Variants in MAGI2 observed in about 807,000 individuals in gnomAD.
MAGI2 encodes the protein membrane-associated guanylate kinase, WW and PDZ domain-containing protein 2.
In MAGI2, 35 loss-of-function variants were observed where a neutral mutation model predicts 133.3. The observed-to-expected ratio is 0.26, with a 90% CI of 0.20 to 0.35. The LOEUF (loss-of-function observed/expected upper bound fraction) is 0.35, where lower values mean the gene tolerates loss of function less well. Ranked by LOEUF, MAGI2 falls within the 10% of genes least tolerant of loss-of-function variation. MAGI2 has a pLI of 1.00. For missense variants in MAGI2, 1,636 were observed against 1,863.4 expected, an observed-to-expected ratio of 0.88 and a Z score of 2.25; for synonymous variants, 729 against 710.6, an observed-to-expected ratio of 1.03 and a Z score of -0.41.
intron 12 of MAGI2, among the ~76,000 whole-genome samples, chr7:78,192,636 G>C (rs1411736216): frequency 6.6e-6 from 1 of 151,634 alleles, no homozygotes; most frequent in Non-Finnish European, 1.5e-5. Context: ...TTAATCTTCA[G>C]TGGTAGAGCT....
intron 7 of MAGI2, among the ~76,000 whole-genome samples, chr7:78,363,887 C>T (rs1285986079): frequency 6.6e-6 from 1 of 152,182 alleles, no homozygotes; most frequent in Non-Finnish European, 1.5e-5. Context: ...GATAATAAAA[C>T]AGACTTTCTA....
In MAGI2 at chr7:78,054,152, G is replaced by A. The variant is rs73134489; in HGVS notation, c.3706+24795C>T. Reference sequence around the variant, plus strand: ...TTTTATTTTATTTTTTTGAGATGTGGTCTCGATCTGTCGCCCAGGTTGGAG... The same window carrying A: ...TTTTATTTTATTTTTTTGAGATGTGATCTCGATCTGTCGCCCAGGTTGGAG... On this transcript the variant is annotated intron_variant, in intron 21 of 21. Transcript: ENST00000354212. Among the ~76,000 whole-genome samples the A allele has an allele frequency of 1.8e-3, 276 of 152,170 alleles. 1 individual carries two copies. The highest frequency in any genetic ancestry group is 2.2e-3 in the Non-Finnish European group (150 of 68,012).
intron 1 of MAGI2, among the ~76,000 whole-genome samples, chr7:79,329,735 A>G (rs1770652010): frequency 6.6e-6 from 1 of 152,208 alleles, no homozygotes; most frequent in South Asian, 2.1e-4. Context: ...ACAAAGCATT[A>G]TTTTTGCTCA....
chr7:79,031,897 T>A (rs985850277), intron 1 of MAGI2, among the ~76,000 whole-genome samples: 1 of 152,112 alleles, frequency 6.6e-6, no homozygotes, highest in East Asian at 1.9e-4. Flanking sequence ...AATCATCAAA[T>A]AGAAAATAAG....
intron 2 of MAGI2, among the ~76,000 whole-genome samples, chr7:78,995,231 G>A: frequency 6.6e-6 from 1 of 152,022 alleles, no homozygotes; most frequent in Non-Finnish European, 1.5e-5. Context: ...TTTGTGTTGG[G>A]CTGCATCAAA....
chr7:78,106,043 T>C (rs1583924726), intron 20 of MAGI2, among the ~76,000 whole-genome samples: 1 of 152,090 alleles, frequency 6.6e-6, no homozygotes, highest in South Asian at 2.1e-4. Flanking sequence ...GTAATTATCA[T>C]TCAAATCTCT....
At chr7:79,101,856 A>C (rs1388621608) in intron 1 of MAGI2, among the ~76,000 whole-genome samples, 1 of 151,898 alleles carries the variant, frequency 6.6e-6, no homozygotes, top group Non-Finnish European at 1.5e-5. Flanking sequence ...TTATTATCAA[A>C]ATTCTGTCTA....
At chr7:78,042,085 C>G (rs1448723368) in intron 21 of MAGI2, among the ~76,000 whole-genome samples, 7 of 152,176 alleles carry the variant, frequency 4.6e-5, no homozygotes, top group Admixed American at 4.6e-4. Context: ...AGACATGAGA[C>G]ATGGGCCTAA....
intron 2 of MAGI2, among the ~76,000 whole-genome samples, chr7:78,921,510 G>A (rs1039465830): frequency 6.6e-6 from 1 of 152,016 alleles, no homozygotes; most frequent in Non-Finnish European, 1.5e-5. Flanking sequence ...TTTCAGAAAC[G>A]CTGCCTTACA....
At chr7:79,318,911 C>G (rs1378443256) in intron 1 of MAGI2, among the ~76,000 whole-genome samples, 1 of 152,142 alleles carries the variant, frequency 6.6e-6, no homozygotes, top group Non-Finnish European at 1.5e-5. Flanking sequence ...GCTGGGTCAT[C>G]ATCATTTCCC....
At chr7:78,763,450 C>T (rs1252829529) in intron 2 of MAGI2, among the ~76,000 whole-genome samples, 5 of 152,026 alleles carry the variant, frequency 3.3e-5, no homozygotes, top group South Asian at 2.1e-4. Context: ...TTTTCTGAAG[C>T]GTTTCTTTAC....
intron 5 of MAGI2, among the ~76,000 whole-genome samples, chr7:78,490,709 C>T (rs1793522362): frequency 6.6e-6 from 1 of 152,094 alleles, no homozygotes; most frequent in Non-Finnish European, 1.5e-5. Flanking sequence ...CAAGCACTCC[C>T]AGTACTTCTT....
At chr7:79,337,629 C>T (rs889308030) in intron 1 of MAGI2, among the ~76,000 whole-genome samples, 10 of 152,004 alleles carry the variant, frequency 6.6e-5, no homozygotes, top group Admixed American at 1.3e-4. Flanking sequence ...CCTGACATTC[C>T]TTTATCTTAG....
At chr7:79,260,241 A>G (rs1028377933) in intron 1 of MAGI2, among the ~76,000 whole-genome samples, 1 of 152,118 alleles carries the variant, frequency 6.6e-6, no homozygotes. Context: ...CTGGGGTCCC[A>G]GCTACTTGGG....
rs761457707 is a variant in MAGI2, at chr7:78,634,917, A to T, written c.419-7678T>A. ...TTTTATTATCCAAATTATAATTTATATATTTTATTCTTATTATTTATTCCA... is the reference window on the plus strand; with the variant it reads ...TTTTATTATCCAAATTATAATTTATTTATTTTATTCTTATTATTTATTCCA... On this transcript the variant is annotated intron_variant, in intron 2 of 21. Transcript: ENST00000354212. 3.3e-5 allele frequency among the ~76,000 whole-genome samples: 5 copies of T among 152,254 alleles called. No individual in the cohort carries two copies. In the South Asian group the frequency reaches 1.0e-3, roughly 32 times the overall value.
chr7:78,627,501 A>C (rs1385122323), intron 2 of MAGI2, among the ~76,000 whole-genome samples: 1 of 152,170 alleles, frequency 6.6e-6, no homozygotes, highest in Non-Finnish European at 1.5e-5. Context: ...TTTTCAGTGA[A>C]AAATTCAGAA....
intron 1 of MAGI2, among the ~76,000 whole-genome samples, chr7:79,420,637 T>C (rs1264575284): frequency 6.6e-6 from 1 of 152,014 alleles, no homozygotes. Context: ...AAGCCACTGA[T>C]GAGTCAGGCT....
chr7:79,053,203 G>A (rs930185609), intron 1 of MAGI2, among the ~76,000 whole-genome samples: 2 of 152,028 alleles, frequency 1.3e-5, no homozygotes. Context: ...TCGATCTCCT[G>A]ACCTCGTGAT....
chr7:78,932,062 T>C (rs377643383), intron 2 of MAGI2, among the ~76,000 whole-genome samples: 18 of 145,522 alleles, frequency 1.2e-4, no homozygotes, highest in African/African-American at 4.3e-4. Context: ...GACCCTCCCC[T>C]CCTGGCCTCC....
Sources: allele counts gnomAD v4.1 joint callset (sites outside exome capture counted in the v4.1 genomes callset), GRCh38; gene constraint gnomAD v4.1.1; transcripts MANE v1.5; gene names NCBI Gene and HGNC (gene_info 2026-07-23, HGNC 2026-07-21).